Variants in CHIC1 observed in about 807,000 individuals in gnomAD.
CHIC1 encodes the protein cysteine rich hydrophobic domain 1, also known as cysteine-rich hydrophobic domain-containing protein 1.
In CHIC1, 7 loss-of-function variants were observed where a neutral mutation model predicts 18.5. That is an observed-to-expected ratio of 0.38 (90% CI 0.22 to 0.71). The LOEUF is 0.71. Ranked by LOEUF, CHIC1 falls within the 30% of genes least tolerant of loss-of-function variation. CHIC1 has a pLI of 0.49. For synonymous variants in CHIC1, 77 were observed against 73.5 expected (o/e 1.05, Z -0.25); for missense variants, 159 against 176.9 (o/e 0.90, Z 0.57).
In CHIC1 at chrX:73,641,372, G is replaced by A. The variant is rs946116890; in HGVS notation, c.508-37954G>A. The stretch of plus-strand genomic sequence containing the variant: ...GGTCCATTTGGTAATGTTGAGTTTG[G>A]GACCTTTATATCTTTGTTAATTTTC... On this transcript the variant is annotated intron_variant, in intron 3 of 5. Transcript: ENST00000373502. Among the ~76,000 whole-genome samples the A allele has an allele frequency of 3.9e-4, 43 of 110,090 alleles. 1 individual carries two copies. Among genetic ancestry groups the A allele is most frequent in the Non-Finnish European group, 5.7e-5 (3 of 52,704 alleles).
intron 3 of CHIC1, among the ~76,000 whole-genome samples, chrX:73,623,152 A>G (rs2057768105): frequency 9.0e-6 from 1 of 111,470 alleles, no homozygotes; most frequent in Non-Finnish European, 1.9e-5. Flanking sequence ...AGAAGAACGT[A>G]TATTCTCTTG....
intron 3 of CHIC1, among the ~76,000 whole-genome samples, chrX:73,677,085 C>T (rs999950637): frequency 4.5e-5 from 5 of 111,457 alleles, no homozygotes; most frequent in Admixed American, 3.8e-4. Context: ...CTGATCGTTC[C>T]TCTGGAAGTT....
In CHIC1 at chrX:73,681,049, C is replaced by G; in HGVS notation, c.*44C>G. The G allele has an allele frequency of 1.3e-6, 1 of 773,546 alleles. No individual in the cohort carries two copies. The highest frequency in any genetic ancestry group is 1.9e-6 in the Non-Finnish European group (1 of 530,370). The allele number at this position is 773,546 out of a possible 1,213,427, so 63.7% of individuals were successfully genotyped here. A position where few individuals can be genotyped will look rare whatever the true frequency, so the allele number is the denominator to read the frequency against. Reference sequence around the variant, plus strand: ...TTCTGTGTTACCTGTCATTTCCTACCCTTAGTGCCTTGTAGATTTGGAATG... The same window carrying G: ...TTCTGTGTTACCTGTCATTTCCTACGCTTAGTGCCTTGTAGATTTGGAATG... On this transcript the variant is annotated 3_prime_UTR_variant, in exon 6 of 6. Coordinates refer to ENST00000373502, the MANE Select transcript of CHIC1 (RefSeq NM_001039840.4).
At chrX:73,576,858 C>G (rs780798503) in intron 1 of CHIC1, among the ~76,000 whole-genome samples, 5 of 110,231 alleles carry the variant, frequency 4.5e-5, no homozygotes, top group African/African-American at 1.6e-4. Context: ...CAAAATTGGT[C>G]GAGCACAGAC....
At chrX:73,648,266 AC>A (rs1357339300) in intron 3 of CHIC1, among the ~76,000 whole-genome samples, 2 of 111,828 alleles carry the variant, frequency 1.8e-5, no homozygotes, top group African/African-American at 6.5e-5. Flanking sequence ...AACAACAACA[AC>A]AACAACAAAA....
At chrX:73,680,423 T>C (rs1018065922) in intron 5 of CHIC1, among the ~76,000 whole-genome samples, 7 of 111,432 alleles carry the variant, frequency 6.3e-5, no homozygotes, top group African/African-American at 1.9e-4. Flanking sequence ...TTCAAAAATA[T>C]CCGAGTTTTT....
chrX:73,580,747 A>T (rs903359234), intron 2 of CHIC1, among the ~76,000 whole-genome samples: 5 of 111,162 alleles, frequency 4.5e-5, no homozygotes, highest in African/African-American at 6.5e-5. Flanking sequence ...GTAGAAAAAA[A>T]ATCTACCTTT....
rs2058012069 is a variant in CHIC1, at chrX:73,667,946, C to T, written c.508-11380C>T. Among the ~76,000 whole-genome samples the T allele has an allele frequency of 2.7e-5, 3 of 111,847 alleles. No individual in the cohort carries two copies. In the Admixed American group the frequency reaches 2.9e-4, roughly 11 times the overall value. On this transcript the variant is annotated intron_variant, in intron 3 of 5. Coordinates refer to ENST00000373502, the MANE Select transcript of CHIC1 (RefSeq NM_001039840.4). Reference sequence around the variant, plus strand: ...GGGAAGTGCTCTTGGATGATATCCTCAAGTATGTTTTCCAACTTGGTTCCA... The same window carrying T: ...GGGAAGTGCTCTTGGATGATATCCTTAAGTATGTTTTCCAACTTGGTTCCA...
intron 3 of CHIC1, among the ~76,000 whole-genome samples, chrX:73,648,302 C>T (rs1430801237): frequency 8.9e-6 from 1 of 111,886 alleles, no homozygotes; most frequent in African/African-American, 3.3e-5. Flanking sequence ...TACCAGAGTG[C>T]CTCTTTTCCT....
At chrX:73,635,351 T>C (rs928116434) in intron 3 of CHIC1, among the ~76,000 whole-genome samples, 1 of 112,129 alleles carries the variant, frequency 8.9e-6, no homozygotes, top group African/African-American at 3.2e-5. Flanking sequence ...TTCTTTGTAG[T>C]GTGTTTGAAT....
chrX:73,659,641 G>C (rs2057970074), intron 3 of CHIC1, among the ~76,000 whole-genome samples: 1 of 111,423 alleles, frequency 9.0e-6, no homozygotes, highest in Non-Finnish European at 1.9e-5. Flanking sequence ...CCTGCACTCA[G>C]GTCACAAACG....
Position 73,685,015 on chromosome X carries a change from C to T in CHIC1, c.*4010C>T, listed in dbSNP as rs2058115457. 1.8e-5 allele frequency: 2 copies of T among 110,939 alleles called. No individual in the cohort carries two copies. The highest frequency in any genetic ancestry group is 3.8e-5 in the Non-Finnish European group (2 of 52,818). 9.1% of individuals were successfully genotyped at this position (110,939 alleles called of 1,213,427 possible). On this transcript the variant is annotated 3_prime_UTR_variant, in exon 6 of 6. Coordinates refer to ENST00000373502, the MANE Select transcript of CHIC1 (RefSeq NM_001039840.4). ...CAGGTCATCTTAATTGCATGTCTGT[C>T]TCTTCTGTAAAATGATGAGGTGGAA...
chrX:73,574,196 C>T (rs533447510), intron 1 of CHIC1, among the ~76,000 whole-genome samples: 2 of 109,926 alleles, frequency 1.8e-5, no homozygotes, highest in Non-Finnish European at 3.8e-5. Context: ...ATTTTTTGTT[C>T]GTTTTTAATC....
intron 3 of CHIC1, among the ~76,000 whole-genome samples, chrX:73,658,244 C>A (rs2057960431): frequency 1.6e-5 from 1 of 61,324 alleles, no homozygotes; most frequent in Admixed American, 2.6e-4. Flanking sequence ...AATCCTGGTC[C>A]TAGGTTTTTT....
intron 3 of CHIC1, among the ~76,000 whole-genome samples, chrX:73,608,066 CTT>C (rs2057691288): frequency 9.1e-6 from 1 of 109,344 alleles, no homozygotes; most frequent in Admixed American, 9.6e-5. Context: ...CTTTGATACA[CTT>C]GAGTTAATTT....
intron 3 of CHIC1, among the ~76,000 whole-genome samples, chrX:73,600,975 A>C (rs2057644444): frequency 9.2e-6 from 1 of 108,145 alleles, no homozygotes; most frequent in Non-Finnish European, 1.9e-5. Flanking sequence ...GCCATTACAT[A>C]ATGGGAAAGG....
intron 3 of CHIC1, among the ~76,000 whole-genome samples, chrX:73,667,462 A>G (rs2058009714): frequency 9.0e-6 from 1 of 111,618 alleles, no homozygotes; most frequent in Non-Finnish European, 1.9e-5. Flanking sequence ...CTATGTACTT[A>G]AGTATGTTTT....
At chrX:73,593,281 A>C (rs1481878639) in intron 3 of CHIC1, among the ~76,000 whole-genome samples, 1 of 110,988 alleles carries the variant, frequency 9.0e-6, no homozygotes, top group Non-Finnish European at 1.9e-5. Flanking sequence ...CTCTAGGTGC[A>C]ATGTTAGATT....
At chrX:73,618,660 G>A (rs978726210) in intron 3 of CHIC1, among the ~76,000 whole-genome samples, 2 of 111,849 alleles carry the variant, frequency 1.8e-5, no homozygotes, top group Non-Finnish European at 3.8e-5. Context: ...TTTTCAGGCA[G>A]CAGGTAAGCA....
Sources: allele counts gnomAD v4.1 joint callset (sites outside exome capture counted in the v4.1 genomes callset), GRCh38; gene constraint gnomAD v4.1.1; transcripts MANE v1.5; gene names NCBI Gene and HGNC (gene_info 2026-07-23, HGNC 2026-07-21).